DHRS11: variants seen among roughly 807,000 people sequenced by gnomAD.
DHRS11 encodes dehydrogenase/reductase 11, also known as dehydrogenase/reductase SDR family member 11.
A neutral mutation model predicts 30.7 loss-of-function variants in DHRS11; 18 were observed. That is an observed-to-expected ratio of 0.59 (90% CI 0.41 to 0.87). DHRS11 has a LOEUF of 0.87. Ranked by LOEUF, DHRS11 falls within the 40% of genes least tolerant of loss-of-function variation. The probability of loss-of-function intolerance (pLI) is 0.00; values close to 1 mark genes in which losing one functional copy is unlikely to be tolerated. For synonymous variants in DHRS11, 123 were observed against 139.6 expected, an observed-to-expected ratio of 0.88 and a Z score of 0.84; for missense variants, 300 against 349.0, an observed-to-expected ratio of 0.86 and a Z score of 1.12.
intron 2 of DHRS11, chr17:36,596,639 A>C (rs1693206181): frequency 2.7e-6 from 1 of 368,996 alleles, no homozygotes. Context: ...TTTCCAGTAC[A>C]TGTTGGAAGG....
At chr17:36,600,129 T>C (rs1166775729) in intron 6 of DHRS11, 33 bp from the exon 7 acceptor site, 1 of 1,613,278 alleles carries the variant, frequency 6.2e-7, no homozygotes, top group East Asian at 2.2e-5. Context: ...GGGGAGAGTG[T>C]CACAGCTGCC....
At chr17:36,598,092 C>T in intron 2 of DHRS11, 71 bp from the exon 3 acceptor site, 1 of 1,499,250 alleles carries the variant, frequency 6.7e-7, no homozygotes, top group Non-Finnish European at 9.3e-7. Context: ...TCCCCCCTAG[C>T]ATTCTGTGGC....
In DHRS11 at chr17:36,592,890, AG is replaced by A. The variant is rs2074779840; in HGVS notation, c.147+735del. Reference sequence around the variant, plus strand: ...CATTCTCAGTGTCGGGCTAGTGCTTAGCTGCAGGGCTTTATCTCCACCGTGC... The same window carrying A: ...CATTCTCAGTGTCGGGCTAGTGCTTACTGCAGGGCTTTATCTCCACCGTGC... On this transcript the variant is annotated intron_variant, in intron 1 of 6. Transcript: ENST00000618403. The surrounding 1 kb of genome is among the most constrained non-coding windows in gnomAD (Gnocchi z 4.4). 6.6e-6 allele frequency among the ~76,000 whole-genome samples: 1 copy of A among 152,080 alleles called. No individual in the cohort carries two copies. Among genetic ancestry groups the A allele is most frequent in the Non-Finnish European group, 1.5e-5 (1 of 68,008 alleles).
intron 2 of DHRS11, 80 bp from the exon 3 acceptor site, chr17:36,598,083 C>A: frequency 1.4e-6 from 2 of 1,430,410 alleles, no homozygotes; most frequent in Non-Finnish European, 2.0e-6. Context: ...CTGCCCCCTT[C>A]CCCCCTAGCA....
intron 4 of DHRS11, chr17:36,599,263 C>T: frequency 1.3e-6 from 1 of 792,866 alleles, no homozygotes; most frequent in Non-Finnish European, 1.9e-6. Context: ...CAGACTTAGA[C>T]TTTGAGCTGG....
rs2074834973 is a variant in DHRS11 at position 36,599,060 on chromosome 17, T to A, written c.582+10T>A. 1.2e-6 allele frequency: 2 copies of A among 1,610,402 alleles called. No homozygotes were observed. Among genetic ancestry groups the A allele is most frequent in the Non-Finnish European group, 1.7e-6 (2 of 1,179,822 alleles). ...CCACATCCGAGCCACGGTGAGGCTGTGGCCTAGCCCTGGTGGGCACAGGGT... is the reference window on the plus strand; with the variant it reads ...CCACATCCGAGCCACGGTGAGGCTGAGGCCTAGCCCTGGTGGGCACAGGGT... On this transcript the variant is annotated intron_variant, in intron 4 of 6. Coordinates refer to ENST00000618403, the MANE Select transcript of DHRS11 (RefSeq NM_024308.4).
At chr17:36,597,849 C>G in intron 2 of DHRS11, 1 of 496,408 alleles carries the variant, frequency 2.0e-6, no homozygotes, top group South Asian at 2.3e-5. Context: ...TGCTACTGTT[C>G]ATAGAGGAGA....
intron 2 of DHRS11, chr17:36,596,510 C>T: frequency 1.0e-5 from 2 of 198,872 alleles, no homozygotes; most frequent in Non-Finnish European, 2.1e-5. Flanking sequence ...TATGTGACAC[C>T]CCCCCACTCC....
intron 4 of DHRS11, 50 bp downstream of exon 4, chr17:36,599,100 C>A: frequency 6.3e-7 from 1 of 1,586,988 alleles, no homozygotes; most frequent in Non-Finnish European, 8.5e-7. Flanking sequence ...CAGGCCCTCC[C>A]CACCCACACA....
intron 5 of DHRS11, 87 bp from the exon 6 acceptor site, chr17:36,599,885 G>A: frequency 1.3e-6 from 2 of 1,583,180 alleles, no homozygotes; most frequent in East Asian, 2.3e-5. Context: ...TGGGGTGGAT[G>A]TGTGGATGCC....
At position 36,600,310 on chromosome 17, in the gene DHRS11, C is replaced by T. The variant is rs1473499659; in HGVS notation, c.*107C>T. 3.7e-6 allele frequency: 5 copies of T among 1,337,446 alleles called. No homozygotes were observed. Among genetic ancestry groups the T allele is most frequent in the Non-Finnish European group, 5.2e-6 (5 of 952,534 alleles). The allele number at this position is 1,337,446 out of a possible 1,614,324, so 82.8% of individuals were successfully genotyped here. ...CACGGGATACCACTTCCTGTCCACA[C>T]CCCGACCAGGGGCTAGAAAATTTGT... On this transcript the variant is annotated 3_prime_UTR_variant, in exon 7 of 7. Coordinates refer to ENST00000618403, the MANE Select transcript of DHRS11 (RefSeq NM_024308.4).
chr17:36,597,044 T>C (rs1054325765), intron 2 of DHRS11: 1 of 346,528 alleles, frequency 2.9e-6, no homozygotes, highest in African/African-American at 2.1e-5. Flanking sequence ...GATCATCCTA[T>C]GAGGCATCTT....
In DHRS11 at chr17:36,600,083, C is replaced by T. The variant is rs770595211; in HGVS notation, c.741+46C>T. ...CTACTCACTGGAGGAACCCAACCAG[C>T]CCCAGAGGAGGGGAGCAGGGAGCCC... On this transcript the variant is annotated intron_variant, in intron 6 of 6. Transcript: ENST00000618403. The T allele has an allele frequency of 1.9e-6, 3 of 1,613,614 alleles. No homozygotes were observed. The African/African-American group carries it at 4.0e-5, about 22-fold the overall frequency.
At position 36,592,130 on chromosome 17, in the gene DHRS11, T is replaced by C; in HGVS notation, c.121T>C (p.Cys41Arg). 1 of 1,279,486 alleles carries C rather than the reference T, an allele frequency of 7.8e-7. No individual in the cohort carries two copies. The highest frequency in any genetic ancestry group is 3.4e-5 in the South Asian group (1 of 29,686). The allele number at this position is 1,279,486 out of a possible 1,614,324, so 79.3% of individuals were successfully genotyped here. ...CCAGCAGGGACTGAAGGTGGTGGGC[T>C]GCGCCCGCACTGTGGGCAACATCGA... ...LVQQGLKVVG[C>R]ARTVGNIEEL... The change falls in exon 1 of 7, where the codon TGC becomes CGC. Residue 41 changes from cysteine to arginine, a missense_variant. Coordinates refer to ENST00000618403, the MANE Select transcript of DHRS11 (RefSeq NM_024308.4). This position sits in a 1 kb window ranked among gnomAD's most constrained non-coding sequence, Gnocchi z 4.4.
In DHRS11 at chr17:36,592,285, T is replaced by C. The variant is rs1428194426; in HGVS notation, c.147+129T>C. On this transcript the variant is annotated intron_variant, in intron 1 of 6. Transcript: ENST00000618403. This position sits in a 1 kb window ranked among gnomAD's most constrained non-coding sequence, Gnocchi z 4.4. ...TCTCGGATCCCTTAAGGCAGGCTTC[T>C]CCCTTCCCCTTAAGTCTCATCTTTG... 4 of 1,128,524 alleles carry C rather than the reference T, an allele frequency of 3.5e-6. No homozygotes were observed. Among genetic ancestry groups the C allele is most frequent in the Non-Finnish European group, 4.5e-6 (4 of 895,614 alleles). 69.9% of individuals were successfully genotyped at this position (1,128,524 alleles called of 1,614,324 possible).
intron 1 of DHRS11, among the ~76,000 whole-genome samples, chr17:36,593,324 A>G (rs1782928390): frequency 6.6e-6 from 1 of 152,208 alleles, no homozygotes. Flanking sequence ...TGAGGGGGTG[A>G]CATGATGTTG....
chr17:36,595,144 C>A lies in DHRS11; in HGVS notation c.321C>A (p.Leu107=). The change falls in exon 2 of 7, where the codon CTC becomes CTA. Residue 107 remains leucine (L), a synonymous_variant. Coordinates refer to ENST00000618403, the MANE Select transcript of DHRS11 (RefSeq NM_024308.4). The part of the protein sequence containing the change: ...NAGLARPDTL[L]SGSTSGWKDM... Reference sequence around the variant, plus strand: ...GCTTGGCCCGGCCTGACACCCTGCTCTCAGGCAGCACCAGTGGTTGGAAGG... The same window carrying A: ...GCTTGGCCCGGCCTGACACCCTGCTATCAGGCAGCACCAGTGGTTGGAAGG... 1 of 1,614,010 alleles carries A rather than the reference C, an allele frequency of 6.2e-7. No homozygotes were observed. Among genetic ancestry groups the A allele is most frequent in the Non-Finnish European group, 8.5e-7 (1 of 1,180,046 alleles).
chr17:36,594,821 G>A, intron 1 of DHRS11, 150 bp from the exon 2 acceptor site: 1 of 721,270 alleles, frequency 1.4e-6, no homozygotes, highest in South Asian at 1.7e-5. Flanking sequence ...GACAGACTTA[G>A]GGGATGGGCA....
chr17:36,592,811 TGG>T lies in DHRS11; in HGVS notation c.147+656_147+657del, dbSNP rs1031281246. On this transcript the variant is annotated intron_variant, in intron 1 of 6. Coordinates refer to ENST00000618403, the MANE Select transcript of DHRS11 (RefSeq NM_024308.4). This position sits in a 1 kb window ranked among gnomAD's most constrained non-coding sequence, Gnocchi z 4.4. The stretch of plus-strand genomic sequence containing the variant: ...CAGAGAAAAATCAAGATGGCCATTT[TGG>T]AGCAGGGAGGAATTTCTGTGCTAGG... Among the ~76,000 whole-genome samples, 4 of 152,132 alleles carry T rather than the reference TGG, an allele frequency of 2.6e-5. No individual in the cohort carries two copies. Among genetic ancestry groups the T allele is most frequent in the African/African-American group, 9.7e-5 (4 of 41,426 alleles).
Sources: allele counts gnomAD v4.1 joint callset (sites outside exome capture counted in the v4.1 genomes callset), GRCh38; gene constraint gnomAD v4.1.1; non-coding constraint Gnocchi (gnomAD v3.1); transcripts MANE v1.5; gene names NCBI Gene and HGNC (gene_info 2026-07-23, HGNC 2026-07-21).